GLIS3: variants seen among roughly 807,000 people sequenced by gnomAD.
GLIS3 encodes GLIS family zinc finger 3.
Under a neutral mutation model 78.6 loss-of-function variants are expected in GLIS3, and 53 were observed. The ratio of observed to expected loss-of-function variants is 0.67; its 90% confidence interval spans 0.54 to 0.85. GLIS3 has a LOEUF of 0.85. Among genes scored for constraint, GLIS3 ranks in the 40% least tolerant of loss-of-function variants. GLIS3 has a pLI of 0.00. For missense variants in GLIS3, 1,703 were observed against 1,231.1 expected (o/e 1.38, Z -5.74); for synonymous variants, 684 against 509.9 (o/e 1.34, Z -4.60).
intron 2 of GLIS3, among the ~76,000 whole-genome samples, chr9:4,210,692 A>C (rs1035457646): frequency 5.9e-5 from 9 of 152,232 alleles, no homozygotes; most frequent in African/African-American, 2.2e-4. Context: ...AAAGAAATAC[A>C]ATGCTTATCC....
intron 4 of GLIS3, among the ~76,000 whole-genome samples, chr9:4,021,464 G>C (rs975643718): frequency 1.3e-5 from 2 of 152,112 alleles, no homozygotes; most frequent in Non-Finnish European, 2.9e-5. Flanking sequence ...CCTATACACA[G>C]CAAATCATCA....
At chr9:4,382,977 C>T in the GLIS3 span, among the ~76,000 whole-genome samples, 1 of 152,206 alleles carries the variant, frequency 6.6e-6, no homozygotes, top group Non-Finnish European at 1.5e-5. Flanking sequence ...CGATTCTGTG[C>T]TTGAATCCAT....
chr9:4,125,981 C>T (rs371952706), intron 2 of GLIS3, 40 bp from the exon 3 acceptor site: 44 of 1,459,880 alleles, frequency 3.0e-5, no homozygotes, highest in Admixed American at 1.0e-4. Context: ...ATGTCCCTTA[C>T]ATCAGAAATC....
At chr9:4,045,635 C>A (rs1334553328) in intron 4 of GLIS3, among the ~76,000 whole-genome samples, 1 of 152,088 alleles carries the variant, frequency 6.6e-6, no homozygotes, top group African/African-American at 2.4e-5. Flanking sequence ...CCCCACCCAG[C>A]TGAACTTTTC....
At chr9:4,363,681 CAGAT>C in the GLIS3 span, among the ~76,000 whole-genome samples, 1 of 152,176 alleles carries the variant, frequency 6.6e-6, no homozygotes, top group African/African-American at 2.4e-5. Context: ...CAATTTTCAA[CAGAT>C]AGGCACTCAG....
Position 4,212,147 on chromosome 9 carries a change from T to C in GLIS3, c.388+73891A>G, listed in dbSNP as rs528661133. Among the ~76,000 whole-genome samples the C allele has an allele frequency of 5.9e-5, 9 of 152,340 alleles. No individual in the cohort carries two copies. The East Asian group carries it at 1.7e-3, about 29-fold the overall frequency. ...GGATCATATGCATCGAGTGGGTGAA[T>C]GATATATGTAAATTATACCTCGATT... On this transcript the variant is annotated intron_variant, in intron 2 of 10. Transcript: ENST00000381971.
chr9:3,824,976 A>G lies in GLIS3; in HGVS notation c.*3296T>C, dbSNP rs373601240. The G allele has an allele frequency of 3.6e-3, 543 of 150,314 alleles. 6 individuals are homozygous for G. Among genetic ancestry groups the G allele is most frequent in the African/African-American group, 0.013 (527 of 40,950 alleles). The allele number at this position is 150,314 out of a possible 1,614,324, so 9.3% of individuals were successfully genotyped here. A position where few individuals can be genotyped will look rare whatever the true frequency, so the allele number is the denominator to read the frequency against. The stretch of plus-strand genomic sequence containing the variant: ...TTCCACACCACTAACAAAAAGTGCT[A>G]TTTAAAAATGCTTCCATAAAATGAC... On this transcript the variant is annotated 3_prime_UTR_variant, in exon 11 of 11. Coordinates refer to ENST00000381971, the MANE Select transcript of GLIS3 (RefSeq NM_001042413.2).
At chr9:4,055,148 T>C (rs978110708) in intron 4 of GLIS3, among the ~76,000 whole-genome samples, 4 of 152,228 alleles carry the variant, frequency 2.6e-5, no homozygotes, top group African/African-American at 9.6e-5. Flanking sequence ...GAACCAAGAA[T>C]GAACAGTGCA....
upstream of GLIS3, among the ~76,000 whole-genome samples, chr9:4,350,982 C>A (rs972453815): frequency 9.2e-5 from 14 of 152,154 alleles, no homozygotes; most frequent in African/African-American, 2.7e-4. Flanking sequence ...CCCTGTGTGT[C>A]TGTGTAGGTC....
chr9:4,407,171 G>T, the GLIS3 span, among the ~76,000 whole-genome samples: 2 of 152,106 alleles, frequency 1.3e-5, no homozygotes, highest in Non-Finnish European at 2.9e-5. Context: ...TTCAACAAAG[G>T]TACCAAGAAC....
chr9:3,976,794 GCAAAAAAAAAAAAAAAAAAAAAAAAAAA>G (rs1818830261), intron 4 of GLIS3, among the ~76,000 whole-genome samples: 1 of 22,574 alleles, frequency 4.4e-5, no homozygotes, highest in African/African-American at 1.4e-4. Context: ...TCCTCCCCCT[GCAAAAAAAAAAAAAAAAAAAAAAAAAAA>G]AAAAAAAAAA....
the GLIS3 span, among the ~76,000 whole-genome samples, chr9:4,477,884 C>T: frequency 6.6e-6 from 1 of 151,892 alleles, no homozygotes; most frequent in Admixed American, 6.6e-5. Flanking sequence ...TATATTATAC[C>T]ATAATAAAAA....
At chr9:4,484,238 TA>T in the GLIS3 span, among the ~76,000 whole-genome samples, 3,080 of 141,544 alleles carry the variant, frequency 0.022, 161 homozygotes, top group African/African-American at 0.077. Context: ...TTTTTTTTTT[TA>T]TTTTTTTTAT....
chr9:3,937,983 T>C (rs947884337), intron 4 of GLIS3, among the ~76,000 whole-genome samples: 1 of 152,218 alleles, frequency 6.6e-6, no homozygotes, highest in Non-Finnish European at 1.5e-5. Flanking sequence ...ATAATATTTA[T>C]TGACAGTAAC....
At chr9:3,876,009 G>C (rs1302738840) in intron 8 of GLIS3, among the ~76,000 whole-genome samples, 1 of 152,104 alleles carries the variant, frequency 6.6e-6, no homozygotes. Flanking sequence ...GCTATGAAAG[G>C]CCTGTTTCAT....
chr9:4,182,416 G>A (rs187628181), intron 2 of GLIS3, among the ~76,000 whole-genome samples: 16 of 152,256 alleles, frequency 1.1e-4, no homozygotes, highest in Admixed American at 6.5e-4. Context: ...AACCAGGTAG[G>A]GTAATAAATT....
At chr9:4,119,594 G>T (rs1832028474) in intron 3 of GLIS3, among the ~76,000 whole-genome samples, 1 of 152,160 alleles carries the variant, frequency 6.6e-6, no homozygotes, top group African/African-American at 2.4e-5. Context: ...CTGGAATTAT[G>T]CATTAGAGCC....
At chr9:4,353,604 A>G in the GLIS3 span, among the ~76,000 whole-genome samples, 6 of 152,166 alleles carry the variant, frequency 3.9e-5, no homozygotes, top group Non-Finnish European at 5.9e-5. Flanking sequence ...AGTATCTCTC[A>G]GCGGGTCCAA....
chr9:3,952,368 C>G, intron 4 of GLIS3, among the ~76,000 whole-genome samples: 1 of 152,158 alleles, frequency 6.6e-6, no homozygotes, highest in East Asian at 1.9e-4. Flanking sequence ...GAGGCACCAC[C>G]ACCCAGGGGA....
Sources: gnomAD v4.1 joint callset for allele counts (sites outside exome capture counted in the v4.1 genomes callset) on GRCh38, gnomAD v4.1.1 for gene constraint, MANE v1.5 for transcripts, NCBI Gene and HGNC (gene_info 2026-07-23, HGNC 2026-07-21) for gene names.